The following CRYZL1 variants were observed in gnomAD, a reference collection of about 807,000 sequenced individuals.
CRYZL1 encodes the protein ferry endosomal RAB5 effector complex subunit 4.
CRYZL1 carries 34 observed loss-of-function variants against 50.6 expected under a neutral mutation model. The ratio of observed to expected loss-of-function variants is 0.67; its 90% CI spans 0.51 to 0.89. The LOEUF is 0.89. Among genes scored for constraint, CRYZL1 ranks in the 40% least tolerant of loss-of-function variants. The pLI, the probability that CRYZL1 is intolerant of heterozygous loss-of-function variation, is 0.00. For synonymous variants in CRYZL1, 125 were observed against 134.3 expected, an observed-to-expected ratio of 0.93 and a Z score of 0.48; for missense variants, 354 against 402.3, an observed-to-expected ratio of 0.88 and a Z score of 1.03.
intron 2 of CRYZL1, among the ~76,000 whole-genome samples, chr21:33,629,362 A>C (rs1314412163): frequency 1.3e-5 from 2 of 152,198 alleles, no homozygotes; most frequent in African/African-American, 4.8e-5. Context: ...CTTGGGTTCA[A>C]GCAATGATCC....
intron 11 of CRYZL1, chr21:33,591,435 G>A (rs1233313169): frequency 3.5e-6 from 2 of 570,624 alleles, no homozygotes; most frequent in Non-Finnish European, 3.1e-6. Context: ...AAGGACAAGT[G>A]ACAAGAGCAG....
chr21:33,639,702 T>C (rs2087253397), intron 1 of CRYZL1: 1 of 152,364 alleles, frequency 6.6e-6, no homozygotes, highest in Non-Finnish European at 1.5e-5. Context: ...ATATGAATTG[T>C]AATTTTGATT....
rs376917704 is a variant in CRYZL1, at chr21:33,610,948, C to T, written c.331+2590G>A. 1.8e-3 allele frequency among the ~76,000 whole-genome samples: 272 copies of T among 151,948 alleles called. 1 individual carries two copies. The highest frequency in any genetic ancestry group is 6.2e-3 in the African/African-American group (256 of 41,426). ...GTTTCACCATGTTGGCCAGGCTGGTCTCGGACTCCTGACCTCAGGCGATCC... is the reference window on the plus strand; with the variant it reads ...GTTTCACCATGTTGGCCAGGCTGGTTTCGGACTCCTGACCTCAGGCGATCC... On this transcript the variant is annotated intron_variant, in intron 6 of 12. Transcript: ENST00000381554.
intron 6 of CRYZL1, among the ~76,000 whole-genome samples, chr21:33,607,915 CT>C (rs556466503): frequency 1.1e-4 from 16 of 148,796 alleles, no homozygotes; most frequent in African/African-American, 3.2e-4. Flanking sequence ...AGTCATCATT[CT>C]TTTTTTTTTA....
chr21:33,639,886 C>T lies in CRYZL1; in HGVS notation c.-7+1795G>A, dbSNP rs115824090. On this transcript the variant is annotated intron_variant, in intron 1 of 12. Coordinates refer to ENST00000381554, the MANE Select transcript of CRYZL1 (RefSeq NM_145858.3). ...GTTGCCCAGGCTAGAGTGTGGTGGTCGTGATCTTGGCTCACTGTAACCTCC... is the reference window on the plus strand; with the variant it reads ...GTTGCCCAGGCTAGAGTGTGGTGGTTGTGATCTTGGCTCACTGTAACCTCC... The T allele has an allele frequency of 3.8e-3, 852 of 224,502 alleles. 11 individuals carry two copies. The highest frequency in any genetic ancestry group is 0.02 in the African/African-American group (795 of 39,910). 13.9% of individuals were successfully genotyped at this position (224,502 alleles called of 1,614,324 possible).
intron 11 of CRYZL1, chr21:33,595,223 G>T (rs963280640): frequency 9.5e-7 from 1 of 1,053,272 alleles, no homozygotes; most frequent in Non-Finnish European, 1.2e-6. Flanking sequence ...GTTTCAAAAA[G>T]TCAAACCTAT....
intron 8 of CRYZL1, among the ~76,000 whole-genome samples, chr21:33,600,085 G>A (rs1010844067): frequency 1.3e-4 from 20 of 152,078 alleles, no homozygotes; most frequent in South Asian, 4.2e-4. Context: ...CCAATAAACC[G>A]ATCGTAACAT....
At chr21:33,591,912 G>T (rs1425130234) in intron 11 of CRYZL1, among the ~76,000 whole-genome samples, 3 of 150,132 alleles carry the variant, frequency 2.0e-5, no homozygotes, top group Non-Finnish European at 4.4e-5. Context: ...GAGCTGGAAT[G>T]AGCACTGCAC....
intron 6 of CRYZL1, 28 bp downstream of exon 6, chr21:33,613,510 A>C: frequency 6.9e-7 from 1 of 1,458,356 alleles, no homozygotes; most frequent in Non-Finnish European, 9.6e-7. Flanking sequence ...GACTTATGTG[A>C]GCTCCAAAGT....
intron 6 of CRYZL1, among the ~76,000 whole-genome samples, chr21:33,604,075 AC>A (rs1336571080): frequency 8.9e-5 from 13 of 145,900 alleles, no homozygotes; most frequent in Admixed American, 6.8e-4. Context: ...ACACGGTGAA[AC>A]CCCGTCTCTG....
chr21:33,602,342 A>G lies in CRYZL1; in HGVS notation c.469T>C (p.Phe157Leu). ...GCTAACTGAATAGCTATTGTACCAA[A>G]TGCCTGTGTAGAAAAAAATATACAG... ...SVLIMDGASA[F>L]GTIAIQLAHH... Residue 157 changes from phenylalanine (F) to leucine (L), a missense_variant, in exon 8 of 13, where the codon TTT becomes CTT. By Grantham distance (22) the Phe-to-Leu change is conservative. Transcript: ENST00000381554. The G allele has an allele frequency of 1.9e-6, 3 of 1,558,496 alleles. No individual in the cohort carries two copies. The highest frequency in any genetic ancestry group is 2.7e-6 in the Non-Finnish European group (3 of 1,129,452).
intron 11 of CRYZL1, among the ~76,000 whole-genome samples, chr21:33,593,584 T>A (rs1213287913): frequency 6.6e-6 from 1 of 152,256 alleles, no homozygotes; most frequent in Non-Finnish European, 1.5e-5. Flanking sequence ...TCCAAGGATT[T>A]GTCAAATAGG....
chr21:33,641,300 A>G, intron 1 of CRYZL1: 6 of 1,549,192 alleles, frequency 3.9e-6, no homozygotes, highest in Non-Finnish European at 5.2e-6. Context: ...AGGAAGAAAG[A>G]AGTGGCTGAG....
chr21:33,623,113 G>A (rs1347900465), intron 3 of CRYZL1, among the ~76,000 whole-genome samples: 2 of 151,686 alleles, frequency 1.3e-5, no homozygotes, highest in Non-Finnish European at 2.9e-5. Flanking sequence ...CTACAGGCAC[G>A]TGCCACCATG....
intron 11 of CRYZL1, chr21:33,595,410 G>A (rs2086683731): frequency 7.5e-7 from 1 of 1,336,074 alleles, no homozygotes; most frequent in South Asian, 1.2e-5. Context: ...AAATCTTCCA[G>A]GTATCTTAGG....
Position 33,613,168 on chromosome 21 carries a change from T to A in CRYZL1, c.331+370A>T, listed in dbSNP as rs112936690. On this transcript the variant is annotated intron_variant, in intron 6 of 12. Coordinates refer to ENST00000381554, the MANE Select transcript of CRYZL1 (RefSeq NM_145858.3). ...ATTCTTTCCCGTCTCAAACTCTCCA[T>A]GTACTGTCTAAATTTTATATGTTTT... Among the ~76,000 whole-genome samples the A allele has an allele frequency of 5.9e-5, 9 of 152,252 alleles. 1 individual carries two copies. The highest frequency in any genetic ancestry group is 2.1e-4 in the South Asian group (1 of 4,822).
Position 33,589,714 on chromosome 21 carries a change from A to C in CRYZL1, c.*108T>G. On this transcript the variant is annotated 3_prime_UTR_variant, in exon 13 of 13. Transcript: ENST00000381554. Reference sequence around the variant, plus strand: ...TCTTAGCAGAGAAACGTGCTTAAAAATGCAACTTGTTTTATCTTCCTTGGT... The same window carrying C: ...TCTTAGCAGAGAAACGTGCTTAAAACTGCAACTTGTTTTATCTTCCTTGGT... 1 of 719,152 alleles carries C rather than the reference A, an allele frequency of 1.4e-6. No individual in the cohort carries two copies. Among genetic ancestry groups the C allele is most frequent in the Non-Finnish European group, 2.4e-6 (1 of 413,840 alleles). The allele number at this position is 719,152 out of a possible 1,614,324, so 44.5% of individuals were successfully genotyped here.
intron 6 of CRYZL1, among the ~76,000 whole-genome samples, chr21:33,608,252 C>T (rs62227714): frequency 3.9e-5 from 6 of 152,086 alleles, no homozygotes; most frequent in African/African-American, 1.2e-4. Flanking sequence ...GTCAGGAGTT[C>T]GAGACGGGCC....
intron 2 of CRYZL1, among the ~76,000 whole-genome samples, chr21:33,631,208 C>A (rs568951325): frequency 6.6e-6 from 1 of 152,314 alleles, no homozygotes; most frequent in East Asian, 1.9e-4. Flanking sequence ...CTGATTTGAT[C>A]ATTACATAAT....
Sources: allele counts gnomAD v4.1 joint callset (sites outside exome capture counted in the v4.1 genomes callset), GRCh38; gene constraint gnomAD v4.1.1; transcripts MANE v1.5; gene names NCBI Gene and HGNC (gene_info 2026-07-23, HGNC 2026-07-21).